BRINP1: variants seen among roughly 807,000 people sequenced by gnomAD.
BRINP1 encodes BMP/retinoic acid inducible neural specific 1, also known as BMP/retinoic acid-inducible neural-specific protein 1.
BRINP1 carries 17 observed loss-of-function variants against 72.9 expected under a neutral mutation model. That is an observed-to-expected ratio of 0.23 (90% CI 0.16 to 0.35). BRINP1 has a LOEUF of 0.35. Ranked by LOEUF, BRINP1 falls within the 10% of genes least tolerant of loss-of-function variation. The probability of loss-of-function intolerance (pLI) is 1.00; values close to 1 mark genes in which losing one functional copy is unlikely to be tolerated. For missense variants in BRINP1, 850 were observed against 1,001.6 expected, an observed-to-expected ratio of 0.85 and a Z score of 2.04; for synonymous variants, 418 against 378.5, an observed-to-expected ratio of 1.10 and a Z score of -1.21.
At chr9:119,226,171 T>C (rs889951772) in intron 5 of BRINP1, among the ~76,000 whole-genome samples, 20 of 151,986 alleles carry the variant, frequency 1.3e-4, no homozygotes, top group African/African-American at 4.3e-4. Flanking sequence ...AGAGCTTAAT[T>C]CTAAGGTAAG....
chr9:119,204,833 A>G (rs979408282), intron 7 of BRINP1, among the ~76,000 whole-genome samples: 1 of 152,210 alleles, frequency 6.6e-6, no homozygotes, highest in Non-Finnish European at 1.5e-5. Context: ...TGATGGAGCC[A>G]GGATTCGGAC....
intron 1 of BRINP1, among the ~76,000 whole-genome samples, chr9:119,350,765 A>G (rs1831499698): frequency 6.6e-6 from 1 of 152,196 alleles, no homozygotes; most frequent in African/African-American, 2.4e-5. Flanking sequence ...GTTAGTTGAC[A>G]CATCTTCAAA....
intron 4 of BRINP1, among the ~76,000 whole-genome samples, chr9:119,240,583 A>G (rs1180676267): frequency 6.6e-6 from 1 of 152,216 alleles, no homozygotes; most frequent in African/African-American, 2.4e-5. Flanking sequence ...AGGCCTCTGC[A>G]GCACTCTGAC....
rs564240410 is a variant in BRINP1 at position 119,207,260 on chromosome 9, G to A, written c.1145+1459C>T. On this transcript the variant is annotated intron_variant, in intron 7 of 7. Transcript: ENST00000265922. Reference sequence around the variant, plus strand: ...ATCGGGGTAATTAGGTGGATGGACTGTGGTAGAAGACTGCCGTTGTTAAAT... The same window carrying A: ...ATCGGGGTAATTAGGTGGATGGACTATGGTAGAAGACTGCCGTTGTTAAAT... Among the ~76,000 whole-genome samples the A allele has an allele frequency of 5.9e-5, 9 of 152,342 alleles. No individual in the cohort carries two copies. The South Asian group carries it at 1.9e-3, about 32-fold the overall frequency.
intron 7 of BRINP1, among the ~76,000 whole-genome samples, chr9:119,180,706 T>A (rs1829547182): frequency 1.3e-5 from 2 of 152,116 alleles, no homozygotes; most frequent in African/African-American, 4.8e-5. Flanking sequence ...CTCTTTGAGT[T>A]TCTAACATTG....
chr9:119,250,152 G>C (rs901286471), intron 2 of BRINP1, among the ~76,000 whole-genome samples: 1 of 150,468 alleles, frequency 6.6e-6, no homozygotes, highest in Admixed American at 6.6e-5. Context: ...GAAGGAGGGA[G>C]GGAGGGTGAG....
intron 2 of BRINP1, among the ~76,000 whole-genome samples, chr9:119,255,980 A>G (rs992424981): frequency 6.7e-6 from 1 of 149,506 alleles, no homozygotes; most frequent in African/African-American, 2.5e-5. Flanking sequence ...AAAAAAAAAA[A>G]AAACACGAGA....
chr9:119,202,980 T>G (rs1384250090), intron 7 of BRINP1, among the ~76,000 whole-genome samples: 1 of 152,146 alleles, frequency 6.6e-6, no homozygotes, highest in Non-Finnish European at 1.5e-5. Flanking sequence ...TCTTTCTGGG[T>G]TTCTGCTTGG....
chr9:119,200,068 C>A (rs990129413), intron 7 of BRINP1, among the ~76,000 whole-genome samples: 2 of 152,142 alleles, frequency 1.3e-5, no homozygotes, highest in Admixed American at 6.6e-5. Flanking sequence ...ATATATTCAA[C>A]ATATGTAGAA....
intron 4 of BRINP1, among the ~76,000 whole-genome samples, chr9:119,240,933 T>C (rs1355474143): frequency 6.6e-6 from 1 of 152,232 alleles, no homozygotes; most frequent in Non-Finnish European, 1.5e-5. Flanking sequence ...AATGCAGGCA[T>C]AATCTGGTTA....
In BRINP1 at chr9:119,167,045, G is replaced by A. The variant is rs957031701; in HGVS notation, c.*39C>T. The A allele has an allele frequency of 3.9e-6, 6 of 1,546,072 alleles. No individual in the cohort carries two copies. The highest frequency in any genetic ancestry group is 3.5e-6 in the Non-Finnish European group (4 of 1,141,034). On this transcript the variant is annotated 3_prime_UTR_variant, in exon 8 of 8. Transcript: ENST00000265922. The surrounding 1 kb of genome is among the most constrained non-coding windows in gnomAD (Gnocchi z 4.3). The stretch of plus-strand genomic sequence containing the variant: ...TGCTTCATTTTGTTCTGTTGTGTGT[G>A]TACAACAACAGGAAAAGTCCATGGC...
chr9:119,292,942 C>A (rs1294226956), intron 2 of BRINP1, among the ~76,000 whole-genome samples: 3 of 152,154 alleles, frequency 2.0e-5, no homozygotes, highest in African/African-American at 7.2e-5. Flanking sequence ...GAGAAGATTA[C>A]AGTGTATTTA....
At chr9:119,304,573 A>G (rs1830975293) in intron 2 of BRINP1, among the ~76,000 whole-genome samples, 1 of 152,262 alleles carries the variant, frequency 6.6e-6, no homozygotes, top group South Asian at 2.1e-4. Flanking sequence ...GCCCAGAGGC[A>G]GAAGCCTGAG....
At chr9:119,168,797 T>G (rs1829354835) in intron 7 of BRINP1, among the ~76,000 whole-genome samples, 1 of 152,126 alleles carries the variant, frequency 6.6e-6, no homozygotes, top group South Asian at 2.1e-4. Flanking sequence ...CTCATGGTGG[T>G]TTTTTAGAAC....
chr9:119,175,363 G>T (rs1233134658), intron 7 of BRINP1, among the ~76,000 whole-genome samples: 4 of 151,496 alleles, frequency 2.6e-5, no homozygotes, highest in South Asian at 2.1e-4. Flanking sequence ...ACACACTGGG[G>T]TTTGTCAGGG....
intron 2 of BRINP1, among the ~76,000 whole-genome samples, chr9:119,303,057 A>G (rs1317940975): frequency 6.6e-6 from 1 of 151,558 alleles, no homozygotes; most frequent in Non-Finnish European, 1.5e-5. Context: ...CAGCAGGGAG[A>G]CTTATTTCTT....
At chr9:119,207,599 C>T (rs777164082) in intron 7 of BRINP1, among the ~76,000 whole-genome samples, 24 of 152,162 alleles carry the variant, frequency 1.6e-4, no homozygotes, top group Non-Finnish European at 2.6e-4. Flanking sequence ...GAGATATTTT[C>T]AAATGTCCCC....
At chr9:119,247,147 G>A (rs1830328416) in intron 3 of BRINP1, among the ~76,000 whole-genome samples, 1 of 152,200 alleles carries the variant, frequency 6.6e-6, no homozygotes, top group African/African-American at 2.4e-5. Flanking sequence ...AATGGAGGGG[G>A]TGATGTCCAA....
At chr9:119,306,328 C>T (rs188034458) in intron 2 of BRINP1, among the ~76,000 whole-genome samples, 2 of 152,284 alleles carry the variant, frequency 1.3e-5, no homozygotes, top group Non-Finnish European at 2.9e-5. Context: ...TTTGAATTGG[C>T]ACCAGATGGC....
Sources: gnomAD v4.1 joint callset for allele counts (sites outside exome capture counted in the v4.1 genomes callset) on GRCh38, gnomAD v4.1.1 for gene constraint, Gnocchi (gnomAD v3.1) non-coding constraint, MANE v1.5 for transcripts, NCBI Gene and HGNC (gene_info 2026-07-23, HGNC 2026-07-21) for gene names.